Variants in ZFAND4 observed in about 807,000 individuals in gnomAD.
The protein encoded by ZFAND4 is zinc finger AN1-type containing 4, also known as AN1-type zinc finger protein 4.
In ZFAND4, 43 loss-of-function variants were observed where a neutral mutation model predicts 64.4. The ratio of observed to expected loss-of-function variants is 0.67; its 90% CI spans 0.52 to 0.86. The LOEUF is 0.86. ZFAND4 is among the 40% of genes least tolerant of loss of function. The probability of loss-of-function intolerance (pLI) is 0.00; values close to 1 mark genes in which losing one functional copy is unlikely to be tolerated. For missense variants in ZFAND4, 929 were observed against 859.8 expected (o/e 1.08, Z -1.01); for synonymous variants, 296 against 305.7 (o/e 0.97, Z 0.33).
Position 45,663,843 on chromosome 10 carries a change from C to A in ZFAND4, c.-117-1G>T. 1 of 880,924 alleles carries A rather than the reference C, an allele frequency of 1.1e-6. No homozygotes were observed. The highest frequency in any genetic ancestry group is 1.6e-6 in the Non-Finnish European group (1 of 627,118). 54.6% of individuals were successfully genotyped at this position (880,924 alleles called of 1,614,324 possible). A position where few individuals can be genotyped will look rare whatever the true frequency, so the allele number is the denominator to read the frequency against. ...GTTGTTCATGTTTTGAGTTTTGTAC[C>A]TAAAAAAACAAGAATTTTTTTAACA... On this transcript the variant is annotated splice_acceptor_variant, in intron 1 of 9. Coordinates refer to ENST00000344646, the MANE Select transcript of ZFAND4 (RefSeq NM_174890.4). LOFTEE classifies it low-confidence loss of function (5UTR_SPLICE).
chr10:45,633,118 G>T (rs1302712146), intron 6 of ZFAND4, among the ~76,000 whole-genome samples: 1 of 150,284 alleles, frequency 6.7e-6, no homozygotes, highest in Non-Finnish European at 1.5e-5. Context: ...CTTTCTTACA[G>T]CAAAAAGTAT....
At chr10:45,633,342 T>C (rs2046348916) in intron 6 of ZFAND4, among the ~76,000 whole-genome samples, 1 of 151,866 alleles carries the variant, frequency 6.6e-6, no homozygotes, top group African/African-American at 2.4e-5. Flanking sequence ...TCCCAAAGAA[T>C]AAAATGCTAT....
intron 9 of ZFAND4, among the ~76,000 whole-genome samples, chr10:45,617,572 G>A (rs2080786274): frequency 7.8e-6 from 1 of 128,948 alleles, no homozygotes; most frequent in Non-Finnish European, 1.6e-5. Context: ...AGGCTCCAGT[G>A]AGTTATGATT....
intron 1 of ZFAND4, among the ~76,000 whole-genome samples, chr10:45,665,923 T>C (rs996404896): frequency 6.6e-6 from 1 of 152,264 alleles, no homozygotes; most frequent in Admixed American, 6.5e-5. Flanking sequence ...TGCTGAATAA[T>C]AGTCCCCTGT....
intron 2 of ZFAND4, among the ~76,000 whole-genome samples, chr10:45,660,234 C>G (rs2048382672): frequency 6.6e-6 from 1 of 151,738 alleles, no homozygotes; most frequent in Non-Finnish European, 1.5e-5. Flanking sequence ...ACTTGTAGTC[C>G]CAGCTACTTG....
rs762806906 is a variant in ZFAND4 at position 45,626,000 on chromosome 10, T to A, written c.1823A>T (p.Glu608Val). ...CTGGGGAGAACTTTTCCTAAAGTTTTCTTCCTGAAAATGCTGGAGGTTTGT... is the reference window on the plus strand; with the variant it reads ...CTGGGGAGAACTTTTCCTAAAGTTTACTTCCTGAAAATGCTGGAGGTTTGT... ...LSTNLQHFQE[E>V]NFRKSSPQLE... is the part of the protein sequence containing the mutation. Residue 608 changes from glutamate to valine, a missense_variant, in exon 7 of 10, where the codon GAA (glutamate) becomes GTA (valine). Glu to Val is a moderately radical substitution (Grantham distance 121). Transcript: ENST00000344646. The A allele has an allele frequency of 6.2e-7, 1 of 1,614,194 alleles. No individual in the cohort carries two copies. Among genetic ancestry groups the A allele is most frequent in the East Asian group, 2.2e-5 (1 of 44,888 alleles).
intron 2 of ZFAND4, among the ~76,000 whole-genome samples, chr10:45,653,506 G>A (rs1368336996): frequency 2.0e-5 from 3 of 151,996 alleles, no homozygotes; most frequent in African/African-American, 2.4e-5. Flanking sequence ...ATGGGCAAAG[G>A]ACATGCATGA....
chr10:45,667,533 A>C (rs2048911099), intron 1 of ZFAND4, among the ~76,000 whole-genome samples: 1 of 136,246 alleles, frequency 7.3e-6, no homozygotes, highest in African/African-American at 2.8e-5. Flanking sequence ...AAATGGCACG[A>C]TCTCCGCTTA....
At chr10:45,660,880 G>A (rs1425828951) in intron 2 of ZFAND4, among the ~76,000 whole-genome samples, 3 of 152,048 alleles carry the variant, frequency 2.0e-5, no homozygotes, top group East Asian at 1.9e-4. Context: ...GTTAAAAGAT[G>A]GCTTTTTTGC....
At chr10:45,633,998 A>T (rs1397695899) in intron 6 of ZFAND4, among the ~76,000 whole-genome samples, 1 of 152,212 alleles carries the variant, frequency 6.6e-6, no homozygotes, top group Admixed American at 6.5e-5. Context: ...AGACCTGGGA[A>T]ATATGAATAT....
In ZFAND4 at chr10:45,616,243, T is replaced by C; in HGVS notation, c.*193A>G. On this transcript the variant is annotated 3_prime_UTR_variant, in exon 10 of 10. Transcript: ENST00000344646. ...TCCAGTGTAAAGTTGTTAAAACTAC[T>C]TTTAAAACTTTTGTTTCACCAAGAA... is the stretch of plus-strand genomic sequence containing the variant. 1.4e-6 allele frequency: 1 copy of C among 717,236 alleles called. No homozygotes were observed. The highest frequency in any genetic ancestry group is 2.1e-6 in the Non-Finnish European group (1 of 471,136). The allele number at this position is 717,236 out of a possible 1,614,324, so 44.4% of individuals were successfully genotyped here. A position where few individuals can be genotyped will look rare whatever the true frequency, so the allele number is the denominator to read the frequency against.
intron 2 of ZFAND4, among the ~76,000 whole-genome samples, chr10:45,653,787 G>A (rs1477483980): frequency 1.3e-5 from 2 of 152,116 alleles, no homozygotes; most frequent in Non-Finnish European, 2.9e-5. Flanking sequence ...AAAACAGAAC[G>A]ACCATTGAAC....
intron 4 of ZFAND4, chr10:45,648,986 C>A (rs73292830): frequency 2.0e-6 from 2 of 984,786 alleles, no homozygotes; most frequent in Admixed American, 6.2e-5. Flanking sequence ...TACACAGACA[C>A]GGCCGGGTGC....
chr10:45,618,360 T>G (rs2045161617), intron 8 of ZFAND4, 100 bp from the exon 9 acceptor site: 3 of 1,393,854 alleles, frequency 2.2e-6, no homozygotes. Flanking sequence ...AAAGTAAATA[T>G]CTATGCCATA....
intron 1 of ZFAND4, among the ~76,000 whole-genome samples, chr10:45,667,963 T>A (rs1470592858): frequency 6.6e-6 from 1 of 152,214 alleles, no homozygotes; most frequent in Non-Finnish European, 1.5e-5. Flanking sequence ...ATTCCTGCTT[T>A]AGGTGGGTTT....
chr10:45,668,087 T>G (rs981210313), intron 1 of ZFAND4, among the ~76,000 whole-genome samples: 1 of 152,254 alleles, frequency 6.6e-6, no homozygotes, highest in African/African-American at 2.4e-5. Context: ...ACTTTTTATG[T>G]GTCAAATCAA....
At chr10:45,656,501 C>CAAAAAAAAAAAAAAAAAAAAA (rs541781976) in intron 2 of ZFAND4, among the ~76,000 whole-genome samples, 9 of 24,704 alleles carry the variant, frequency 3.6e-4, no homozygotes, top group African/African-American at 5.9e-4. Flanking sequence ...GAACCTGTCT[C>CAAAAAAAAAAAAAAAAAAAAA]AAAAAAAAAA....
intron 8 of ZFAND4, among the ~76,000 whole-genome samples, chr10:45,623,206 T>C (rs1471554946): frequency 6.6e-6 from 1 of 152,178 alleles, no homozygotes; most frequent in Non-Finnish European, 1.5e-5. Context: ...GAAAACAATA[T>C]GACGGTTCCT....
chr10:45,629,797 A>G (rs1278505591), intron 6 of ZFAND4, among the ~76,000 whole-genome samples: 1 of 152,174 alleles, frequency 6.6e-6, no homozygotes, highest in African/African-American at 2.4e-5. Context: ...CAGGAGGCAG[A>G]GGTTGCAGTG....
Sources: allele counts gnomAD v4.1 joint callset (sites outside exome capture counted in the v4.1 genomes callset), GRCh38; gene constraint gnomAD v4.1.1; transcripts MANE v1.5; gene names NCBI Gene and HGNC (gene_info 2026-07-23, HGNC 2026-07-21).